Variants in NBL1 observed in about 807,000 individuals in gnomAD.
NBL1 encodes the protein NBL1, DAN family BMP antagonist.
In NBL1, 9 loss-of-function variants were observed where a neutral mutation model predicts 16.0. The ratio of observed to expected loss-of-function variants is 0.56; its 90% CI spans 0.34 to 0.98. The LOEUF is 0.98. NBL1 is among the 50% of genes least tolerant of loss of function. NBL1 has a pLI of 0.02. For missense variants in NBL1, 196 were observed against 243.1 expected (o/e 0.81, Z 1.29); for synonymous variants, 86 against 100.7 (o/e 0.85, Z 0.87).
At chr1:19,645,928 G>A (rs1454177376) in intron 1 of NBL1, 2 of 1,550,208 alleles carry the variant, frequency 1.3e-6, no homozygotes, top group Non-Finnish European at 1.7e-6. Flanking sequence ...GGTGAGGTCT[G>A]CAGTGGAACT....
Position 19,644,527 on chromosome 1 carries a change from G to A in NBL1, c.-20+81G>A, listed in dbSNP as rs1430371279. On this transcript the variant is annotated intron_variant, in intron 1 of 3. Transcript: ENST00000375136. This position sits in a 1 kb window ranked among gnomAD's most constrained non-coding sequence, Gnocchi z 4.6. ...GGGGGCAGTGCCGCGCCCCCAGCCC[G>A]GAGCTGCGTCCCCCGGCGCGTCCGG... is the stretch of plus-strand genomic sequence containing the variant. 3 of 807,860 alleles carry A rather than the reference G, an allele frequency of 3.7e-6. No homozygotes were observed. The highest frequency in any genetic ancestry group is 1.3e-4 in the East Asian group (1 of 7,954). The allele number at this position is 807,860 out of a possible 1,614,324, so 50.0% of individuals were successfully genotyped here. A position where few individuals can be genotyped will look rare whatever the true frequency, so the allele number is the denominator to read the frequency against.
At chr1:19,650,625 C>T (rs1211222609) in intron 1 of NBL1, among the ~76,000 whole-genome samples, 2 of 152,156 alleles carry the variant, frequency 1.3e-5, no homozygotes, top group African/African-American at 2.4e-5. Context: ...TTCCTTCCCG[C>T]CCTCGCTTTT....
At chr1:19,649,138 A>G (rs1017270619) in intron 1 of NBL1, among the ~76,000 whole-genome samples, 4 of 152,012 alleles carry the variant, frequency 2.6e-5, no homozygotes, top group Non-Finnish European at 5.9e-5. Flanking sequence ...GCTGGGGGTT[A>G]ACCTGCTACC....
At position 19,656,941 on chromosome 1, in the gene NBL1, T is replaced by G; in HGVS notation, c.358T>G (p.Cys120Gly). The part of the protein sequence containing the change: ...KLVEKILHCS[C>G]QACGKEPSHE... ...GGTGGAGAAGATCCTGCACTGTAGC[T>G]GCCAGGCCTGCGGCAAGGAGCCTAG... The change falls in exon 4 of 4, where the codon TGC becomes GGC. Residue 120 changes from cysteine to glycine, a missense_variant. Coordinates refer to ENST00000375136, the MANE Select transcript of NBL1 (RefSeq NM_005380.8). 3 of 1,612,890 alleles carry G rather than the reference T, an allele frequency of 1.9e-6. No individual in the cohort carries two copies. Among genetic ancestry groups the G allele is most frequent in the Non-Finnish European group, 2.5e-6 (3 of 1,179,646 alleles).
chr1:19,645,751 C>G (rs2094975383), intron 1 of NBL1: 1 of 1,372,286 alleles, frequency 7.3e-7, no homozygotes, highest in African/African-American at 1.5e-5. Flanking sequence ...CAAGCTGGAC[C>G]TCTCTCCCGG....
rs544934320 is a variant in NBL1, at chr1:19,648,443, G to A, written c.-20+3997G>A. 6.6e-5 allele frequency among the ~76,000 whole-genome samples: 10 copies of A among 152,318 alleles called. No homozygotes were observed. In the South Asian group the frequency reaches 8.3e-4, roughly 13 times the overall value. ...CTGGCGGGGTCACACGAGGAGGGCC[G>A]GGCCCCGGCGTCTCAGTTTTGGCAG... On this transcript the variant is annotated intron_variant, in intron 1 of 3. Coordinates refer to ENST00000375136, the MANE Select transcript of NBL1 (RefSeq NM_005380.8).
intron 3 of NBL1, among the ~76,000 whole-genome samples, chr1:19,655,935 T>G (rs974875182): frequency 5.3e-5 from 8 of 152,158 alleles, no homozygotes; most frequent in Non-Finnish European, 8.8e-5. Flanking sequence ...CTTTCTCTAG[T>G]TCACTTCTAT....
chr1:19,644,072 C>T, upstream of NBL1: 2 of 973,866 alleles, frequency 2.1e-6, no homozygotes, highest in Non-Finnish European at 2.4e-6. This position sits in a 1 kb window ranked among gnomAD's most constrained non-coding sequence, Gnocchi z 4.6. Flanking sequence ...GCGTCCCGGC[C>T]GCCCCACCAC....
intron 1 of NBL1, among the ~76,000 whole-genome samples, chr1:19,653,680 A>G (rs543229066): frequency 6.6e-6 from 1 of 152,332 alleles, no homozygotes; most frequent in African/African-American, 2.4e-5. Context: ...CACCCAGCAC[A>G]CGTGGACCCA....
chr1:19,651,278 C>T (rs1420646903), intron 1 of NBL1, among the ~76,000 whole-genome samples: 2 of 152,138 alleles, frequency 1.3e-5, no homozygotes, highest in African/African-American at 2.4e-5. Context: ...CCGGGGAGGC[C>T]GAGGCCCCAG....
upstream of NBL1, chr1:19,643,858 C>T: frequency 2.0e-6 from 2 of 991,530 alleles, no homozygotes; most frequent in Non-Finnish European, 2.4e-6. This position sits in a 1 kb window ranked among gnomAD's most constrained non-coding sequence, Gnocchi z 4.7. Flanking sequence ...TGGGGCGCCC[C>T]ACTCTCGGGG....
rs1462384534 is a variant in NBL1, at chr1:19,657,683, C to G, written c.*554C>G. 1 of 152,738 alleles carries G rather than the reference C, an allele frequency of 6.5e-6. No homozygotes were observed. The highest frequency in any genetic ancestry group is 2.4e-5 in the African/African-American group (1 of 41,420). The allele number at this position is 152,738 out of a possible 1,614,324, so 9.5% of individuals were successfully genotyped here. On this transcript the variant is annotated 3_prime_UTR_variant, in exon 4 of 4. Coordinates refer to ENST00000375136, the MANE Select transcript of NBL1 (RefSeq NM_005380.8). ...CGTCGCCCCAGTGGCACTGAAGTGG[C>G]CCTCCCTCAGCGGAGGGGTTTGGGA...
chr1:19,647,634 T>C, intron 1 of NBL1: 1 of 985,412 alleles, frequency 1.0e-6, no homozygotes, highest in Non-Finnish European at 1.2e-6. Flanking sequence ...TCGTTGTGCA[T>C]GCGGACTGTG....
intron 3 of NBL1, 84 bp downstream of exon 3, chr1:19,655,519 A>G: frequency 1.4e-6 from 2 of 1,472,570 alleles, no homozygotes; most frequent in Non-Finnish European, 1.9e-6. Context: ...CCTGTATTCC[A>G]GCAGATGGCC....
chr1:19,643,256 C>G (rs2094959181), upstream of NBL1: 1 of 1,550,386 alleles, frequency 6.5e-7, no homozygotes, highest in Non-Finnish European at 8.9e-7. This position sits in a 1 kb window ranked among gnomAD's most constrained non-coding sequence, Gnocchi z 4.7. Flanking sequence ...GTGGAGGGTG[C>G]GAGTAGGCTG....
Position 19,657,158 on chromosome 1 carries a change from T to TC in NBL1, c.*34dup. On this transcript the variant is annotated 3_prime_UTR_variant, in exon 4 of 4. Coordinates refer to ENST00000375136, the MANE Select transcript of NBL1 (RefSeq NM_005380.8). ...CCCCCCAACTCTTCCTCCCCTCTCATCCCCCTGTGGAATGTTGGGTCTCAC... is the reference window on the plus strand; with the variant it reads ...CCCCCCAACTCTTCCTCCCCTCTCATCCCCCCTGTGGAATGTTGGGTCTCAC... The TC allele has an allele frequency of 9.5e-7, 1 of 1,049,052 alleles. No individual in the cohort carries two copies. The highest frequency in any genetic ancestry group is 1.4e-6 in the Non-Finnish European group (1 of 732,372). 65.0% of individuals were successfully genotyped at this position (1,049,052 alleles called of 1,614,324 possible).
intron 1 of NBL1, chr1:19,645,340 C>T (rs1372789936): frequency 5.4e-5 from 53 of 985,334 alleles, no homozygotes; most frequent in Non-Finnish European, 5.8e-5. Flanking sequence ...GCCACCTGCC[C>T]GGCCCGCTCC....
rs1011805108 is a variant in NBL1 at position 19,651,893 on chromosome 1, TA to T, written c.-19-3112del. Reference sequence around the variant, plus strand: ...AAAATGTGTTATCACAGTGTGATAATAAAAAAATATTTTATTTTATTTTATT... The same window carrying T: ...AAAATGTGTTATCACAGTGTGATAATAAAAAATATTTTATTTTATTTTATT... On this transcript the variant is annotated intron_variant, in intron 1 of 3. Coordinates refer to ENST00000375136, the MANE Select transcript of NBL1 (RefSeq NM_005380.8). 4.6e-5 allele frequency among the ~76,000 whole-genome samples: 7 copies of T among 152,170 alleles called. No individual in the cohort carries two copies. The East Asian group carries it at 5.8e-4, about 13-fold the overall frequency.
chr1:19,646,283 C>T (rs893264966), intron 1 of NBL1, among the ~76,000 whole-genome samples: 1 of 152,228 alleles, frequency 6.6e-6, no homozygotes, highest in Non-Finnish European at 1.5e-5. Flanking sequence ...CTGAAATGGA[C>T]GTTCCCAGGC....
Sources: gnomAD v4.1 joint callset for allele counts (sites outside exome capture counted in the v4.1 genomes callset) on GRCh38, gnomAD v4.1.1 for gene constraint, Gnocchi (gnomAD v3.1) non-coding constraint, MANE v1.5 for transcripts, NCBI Gene and HGNC (gene_info 2026-07-23, HGNC 2026-07-21) for gene names.